The following TMEM178B variants were observed in gnomAD, a reference collection of about 807,000 sequenced individuals.
TMEM178B encodes transmembrane protein 178B.
Under a neutral mutation model 31.0 loss-of-function variants are expected in TMEM178B, and 5 were observed. That is an observed-to-expected ratio of 0.16 (90% CI 0.08 to 0.34). The LOEUF is 0.34. TMEM178B is among the 10% of genes least tolerant of loss of function. The pLI is 1.00. For missense variants in TMEM178B, 275 were observed against 400.3 expected, an observed-to-expected ratio of 0.69 and a Z score of 2.67; for synonymous variants, 164 against 164.0, an observed-to-expected ratio of 1.00 and a Z score of 0.00.
At chr7:141,135,241 T>C (rs1386044571) in intron 1 of TMEM178B, among the ~76,000 whole-genome samples, 2 of 152,194 alleles carry the variant, frequency 1.3e-5, no homozygotes, top group African/African-American at 2.4e-5. Flanking sequence ...GCAAATATTA[T>C]TAAATTTAAA....
intron 2 of TMEM178B, among the ~76,000 whole-genome samples, chr7:141,423,231 T>A (rs1801247212): frequency 6.6e-6 from 1 of 152,198 alleles, no homozygotes; most frequent in Non-Finnish European, 1.5e-5. Flanking sequence ...TTTCTCCATG[T>A]TGGCCAGGCT....
chr7:141,347,375 C>A (rs2116522354), intron 2 of TMEM178B, among the ~76,000 whole-genome samples: 1 of 152,132 alleles, frequency 6.6e-6, no homozygotes, highest in East Asian at 1.9e-4. Flanking sequence ...ATCAATCATT[C>A]CCTTGGAAAT....
chr7:141,238,334 G>A (rs1797562230), intron 2 of TMEM178B, among the ~76,000 whole-genome samples: 1 of 152,210 alleles, frequency 6.6e-6, no homozygotes, highest in South Asian at 2.1e-4. Context: ...ATGACAAGTG[G>A]GATAGAAGCC....
chr7:141,317,213 A>G (rs1799020595), intron 2 of TMEM178B, among the ~76,000 whole-genome samples: 1 of 152,190 alleles, frequency 6.6e-6, no homozygotes, highest in Non-Finnish European at 1.5e-5. Flanking sequence ...TTGTATTCAA[A>G]AGCAGCATCT....
intron 3 of TMEM178B, among the ~76,000 whole-genome samples, chr7:141,447,843 G>T (rs748871396): frequency 6.6e-5 from 10 of 152,016 alleles, no homozygotes; most frequent in South Asian, 2.1e-4. Context: ...AGGATGTCTC[G>T]TTCAAACATG....
chr7:141,254,659 T>C (rs1286569412), intron 2 of TMEM178B, among the ~76,000 whole-genome samples: 1 of 152,136 alleles, frequency 6.6e-6, no homozygotes, highest in African/African-American at 2.4e-5. Flanking sequence ...GGGCAGAGGC[T>C]GCAGTGAGCT....
Position 141,338,168 on chromosome 7 carries a change from T to TG in TMEM178B, c.497-99439dup, listed in dbSNP as rs199540342. Among the ~76,000 whole-genome samples, 120 of 152,224 alleles carry TG rather than the reference T, an allele frequency of 7.9e-4. 1 individual carries two copies. In the East Asian group the frequency reaches 0.02, roughly 25 times the overall value. ...ATATTTTTTAAAGCGAAGTTATTTTTGAAAATCTGTGATAGAAATTAGAGC... is the reference window on the plus strand; with the variant it reads ...ATATTTTTTAAAGCGAAGTTATTTTTGGAAAATCTGTGATAGAAATTAGAGC... On this transcript the variant is annotated intron_variant, in intron 2 of 3. Transcript: ENST00000565468.
intron 2 of TMEM178B, among the ~76,000 whole-genome samples, chr7:141,245,718 A>G (rs1797720252): frequency 6.6e-6 from 1 of 152,188 alleles, no homozygotes; most frequent in African/African-American, 2.4e-5. Context: ...AGGAATTGGG[A>G]ATGCCTATAG....
chr7:141,336,412 G>A (rs1346283417), intron 2 of TMEM178B, among the ~76,000 whole-genome samples: 2 of 152,166 alleles, frequency 1.3e-5, no homozygotes, highest in African/African-American at 2.4e-5. Context: ...GGAGGAGAAT[G>A]TTTGTTAAAT....
At chr7:141,132,852 C>G (rs1245909814) in intron 1 of TMEM178B, among the ~76,000 whole-genome samples, 1 of 152,226 alleles carries the variant, frequency 6.6e-6, no homozygotes, top group Non-Finnish European at 1.5e-5. Flanking sequence ...TTTCAGTTCA[C>G]TGCCACCACC....
At chr7:141,420,024 C>T (rs1209566548) in intron 2 of TMEM178B, among the ~76,000 whole-genome samples, 4 of 152,200 alleles carry the variant, frequency 2.6e-5, no homozygotes, top group Admixed American at 2.6e-4. Flanking sequence ...ACTCTTCCCC[C>T]AGACATTCAC....
chr7:141,223,619 G>A (rs1345920432), intron 2 of TMEM178B, among the ~76,000 whole-genome samples: 4 of 151,896 alleles, frequency 2.6e-5, no homozygotes, highest in Admixed American at 6.6e-5. Context: ...TCCACGTGCT[G>A]AGCTAGAGTT....
chr7:141,197,472 G>T (rs1256876448), intron 1 of TMEM178B, among the ~76,000 whole-genome samples: 1 of 152,200 alleles, frequency 6.6e-6, no homozygotes, highest in African/African-American at 2.4e-5. Context: ...AGGGAGTCAG[G>T]ATAAGTTAAC....
In TMEM178B at chr7:141,304,281, TGTAGGG is replaced by T. The variant is rs1411846181; in HGVS notation, c.496+91580_496+91585del. On this transcript the variant is annotated intron_variant, in intron 2 of 3. Transcript: ENST00000565468. ...AATTAAAGATGGAGGTAGAGGAGAA[TGTAGGG>T]GTGGATGCTTGGGGAAGGGGGTGGG... Among the ~76,000 whole-genome samples the T allele has an allele frequency of 2.6e-5, 4 of 152,142 alleles. No homozygotes were observed. In the East Asian group the frequency reaches 7.7e-4, roughly 29 times the overall value.
intron 1 of TMEM178B, among the ~76,000 whole-genome samples, chr7:141,201,059 C>G (rs1407166147): frequency 6.6e-6 from 1 of 152,022 alleles, no homozygotes; most frequent in Non-Finnish European, 1.5e-5. Flanking sequence ...GGTAACAAAC[C>G]AAAATATTAA....
chr7:141,103,364 CTT>C (rs1212975528), intron 1 of TMEM178B, among the ~76,000 whole-genome samples: 1 of 152,174 alleles, frequency 6.6e-6, no homozygotes, highest in African/African-American at 2.4e-5. Context: ...CTCGTATCCT[CTT>C]TGATTGGAAG....
At chr7:141,200,341 A>G (rs1317361510) in intron 1 of TMEM178B, among the ~76,000 whole-genome samples, 1 of 151,422 alleles carries the variant, frequency 6.6e-6, no homozygotes, top group Non-Finnish European at 1.5e-5. Flanking sequence ...TCCTGGTTGT[A>G]GGGGACATGG....
rs922561372 is a variant in TMEM178B, at chr7:141,338,656, TGTATGCA to T, written c.497-98946_497-98940del. 2.4e-4 allele frequency among the ~76,000 whole-genome samples: 37 copies of T among 152,278 alleles called. 1 individual carries two copies. The highest frequency in any genetic ancestry group is 7.5e-4 in the African/African-American group (31 of 41,556). On this transcript the variant is annotated intron_variant, in intron 2 of 3. Coordinates refer to ENST00000565468, the MANE Select transcript of TMEM178B (RefSeq NM_001195278.2). ...TTAACTGTGAGTGAGTTTGGGACAC[TGTATGCA>T]GTATGAATTTGCAGGGAGGGCAGTG...
intron 2 of TMEM178B, among the ~76,000 whole-genome samples, chr7:141,304,230 T>C (rs898403657): frequency 4.6e-5 from 7 of 152,120 alleles, no homozygotes; most frequent in Non-Finnish European, 8.8e-5. Flanking sequence ...ACCTGAAAGA[T>C]CTTACATGCT....
Sources: gnomAD v4.1 joint callset for allele counts (sites outside exome capture counted in the v4.1 genomes callset) on GRCh38, gnomAD v4.1.1 for gene constraint, MANE v1.5 for transcripts, NCBI Gene and HGNC (gene_info 2026-07-23, HGNC 2026-07-21) for gene names.